Variants in NBPF19 observed in about 807,000 individuals in gnomAD.
NBPF19 encodes NBPF family member NBPF19.
NBPF19 carries 30 observed loss-of-function variants against 45.9 expected under a neutral mutation model. The observed-to-expected ratio is 0.65, with a 90% CI of 0.49 to 0.89. The LOEUF (loss-of-function observed/expected upper bound fraction) is 0.89. NBPF19 is among the 40% of genes least tolerant of loss of function. The probability of loss-of-function intolerance (pLI) is 0.00; values close to 1 mark genes in which losing one functional copy is unlikely to be tolerated. For missense variants in NBPF19, 495 were observed against 471.8 expected (o/e 1.05, Z -0.46); for synonymous variants, 183 against 181.2 (o/e 1.01, Z -0.08).
chr1:149,519,437 CTCTCTCTCTG>C (rs2086607358), intron 49 of NBPF19, among the ~76,000 whole-genome samples: 1 of 20,200 alleles, frequency 5.0e-5, no homozygotes, highest in Non-Finnish European at 8.9e-5. Flanking sequence ...CTCGTTCTCT[CTCTCTCTCTG>C]TGTGTGTGTG....
chr1:149,479,566 A>T (rs1438390648), intron 4 of NBPF19, among the ~76,000 whole-genome samples: 1 of 148,142 alleles, frequency 6.8e-6, no homozygotes, highest in East Asian at 2.0e-4. Flanking sequence ...ACACTTACGA[A>T]TGCTTTTCAA....
Position 149,478,094 on chromosome 1 carries a change from C to T in NBPF19, c.278+47C>T. 3.7e-6 allele frequency: 5 copies of T among 1,364,192 alleles called. No homozygotes were observed. In the South Asian group the frequency reaches 5.8e-5, roughly 16 times the overall value. 84.5% of individuals were successfully genotyped at this position (1,364,192 alleles called of 1,614,324 possible). On this transcript the variant is annotated intron_variant, in intron 3 of 93. Transcript: ENST00000651566. The stretch of plus-strand genomic sequence containing the variant: ...AGGGCAGGCGGGTAGGTGTGTAGAT[C>T]TCTGAAGTACAGCAGCTCGGCGGGG...
In NBPF19 at chr1:149,488,185, G is replaced by T. The variant is rs2085727624; in HGVS notation, c.1213G>T (p.Glu405Ter). 1 of 644,216 alleles carries T rather than the reference G, an allele frequency of 1.6e-6. No homozygotes were observed. The highest frequency in any genetic ancestry group is 2.8e-5 in the East Asian group (1 of 35,714). The allele number at this position is 644,216 out of a possible 1,614,324, so 39.9% of individuals were successfully genotyped here. Residue 405 changes from glutamate (E) to a stop codon, truncating the protein, a stop_gained and splice_region_variant, in exon 10 of 94, where the codon GAA becomes TAA. Coordinates refer to ENST00000651566, the MANE Select transcript of NBPF19 (RefSeq NM_001351365.2). LOFTEE classifies it high-confidence loss of function. ...QRVGLAIDMD[E>*]IEKYQEVEED... ...TGTTGGCTTGGCTATTGACATGGAT[G>T]GTGAGTACCTTTCTATGAAGGTGAT...
intron 9 of NBPF19, among the ~76,000 whole-genome samples, 186 bp from the exon 10 acceptor site, chr1:149,487,827 T>C (rs1271653939): frequency 4.8e-5 from 6 of 124,704 alleles, no homozygotes; most frequent in Non-Finnish European, 8.3e-5. Context: ...GTGTGTGTCT[T>C]TCTCGTTCAT....
intron 9 of NBPF19, among the ~76,000 whole-genome samples, 186 bp downstream of exon 9, chr1:149,487,569 T>A (rs1260334085): frequency 4.0e-5 from 6 of 151,064 alleles, no homozygotes; most frequent in Non-Finnish European, 5.9e-5. Flanking sequence ...CCTACCCTTA[T>A]CATTTACTAA....
chr1:149,554,532 G>T lies in NBPF19; in HGVS notation c.11326G>T (p.Val3776Phe), dbSNP rs1479932944. Reference protein sequence around the residue: ...SVLMEVEEPEVLQDSLDGCYS... With the variant: ...SVLMEVEEPEFLQDSLDGCYS... ...GCTGATGGAAGTGGAAGAGCCTGAA[G>T]TCTTACAGGACTCACTGGATGGATG... The change falls in exon 94 of 94, where the codon GTC becomes TTC. Residue 3776 changes from valine to phenylalanine, a missense_variant. Val to Phe is a conservative substitution (Grantham distance 50). Transcript: ENST00000651566. 3.7e-6 allele frequency: 6 copies of T among 1,608,252 alleles called. No homozygotes were observed. The highest frequency in any genetic ancestry group is 4.5e-5 in the East Asian group (2 of 44,846).
At chr1:149,487,116 A>G (rs1182194967) in intron 8 of NBPF19, among the ~76,000 whole-genome samples, 2 of 150,524 alleles carry the variant, frequency 1.3e-5, no homozygotes, top group African/African-American at 2.4e-5. Context: ...TAGGGAAGAT[A>G]ACATTCCAAC....
At chr1:149,486,414 A>G (rs1185287163) in intron 8 of NBPF19, 121 bp downstream of exon 8, 11 of 677,100 alleles carry the variant, frequency 1.6e-5, no homozygotes, top group South Asian at 9.4e-5. Flanking sequence ...CTGAACCTAT[A>G]TATCAATGTA....
At chr1:149,478,241 A>G (rs1197187429) in intron 3 of NBPF19, among the ~76,000 whole-genome samples, 194 bp downstream of exon 3, 1 of 151,258 alleles carries the variant, frequency 6.6e-6, no homozygotes, top group African/African-American at 2.4e-5. Context: ...TGTTTCTTAG[A>G]GCCTTGTTTT....
intron 51 of NBPF19, among the ~76,000 whole-genome samples, chr1:149,521,053 T>G (rs1409373690): frequency 4.3e-5 from 3 of 69,072 alleles, no homozygotes; most frequent in African/African-American, 1.7e-4. Context: ...CCTGGCCAAT[T>G]CACTAGGTCA....
At chr1:149,519,445 C>CTG (rs374862187) in intron 49 of NBPF19, among the ~76,000 whole-genome samples, 507 of 10,550 alleles carry the variant, frequency 0.048, 18 homozygotes, top group Non-Finnish European at 0.064. Context: ...CTCTCTCTCT[C>CTG]TGTGTGTGTG....
Position 149,555,180 on chromosome 1 carries a change from C to T in NBPF19, c.*442C>T. ...TCAGTGTTGGCTTGTTTTAGCTGAT[C>T]CATCTGTAACACAGGAGGGATCCTT... On this transcript the variant is annotated 3_prime_UTR_variant, in exon 94 of 94. Transcript: ENST00000651566. 4.7e-6 allele frequency: 1 copy of T among 211,148 alleles called. No homozygotes were observed. The highest frequency in any genetic ancestry group is 9.6e-6 in the Non-Finnish European group (1 of 104,334). 13.1% of individuals were successfully genotyped at this position (211,148 alleles called of 1,614,324 possible). A position where few individuals can be genotyped will look rare whatever the true frequency, so the allele number is the denominator to read the frequency against.
In NBPF19 at chr1:149,478,060, C is replaced by G; in HGVS notation, c.278+13C>G. The stretch of plus-strand genomic sequence containing the variant: ...CTGAGGAGCTCAGGTGAGGGGACCC[C>G]GTGGGGGGAGGGCAGGCGGGTAGGT... On this transcript the variant is annotated intron_variant, in intron 3 of 93. Coordinates refer to ENST00000651566, the MANE Select transcript of NBPF19 (RefSeq NM_001351365.2). 2 of 1,566,898 alleles carry G rather than the reference C, an allele frequency of 1.3e-6. No individual in the cohort carries two copies. Among genetic ancestry groups the G allele is most frequent in the Non-Finnish European group, 8.7e-7 (1 of 1,145,690 alleles).
In NBPF19 at chr1:149,554,718, T is replaced by G; in HGVS notation, c.11512T>G (p.Leu3838Val). The change falls in exon 94 of 94, where the codon TTA (leucine) becomes GTA (valine). Residue 3838 changes from leucine (L) to valine (V), a missense_variant. This residue lies in a region of NBPF19 where 248 missense variants were observed against 95.4 expected (regional missense o/e 2.60). Transcript: ENST00000651566. ...VTSLHLVFQM[L>V]VIFPQ ...AAGTCTCCATCTGGTGTTCCAGATG[T>G]TAGTCATATTCCCACAATAGGCAGC... 5 of 1,608,074 alleles carry G rather than the reference T, an allele frequency of 3.1e-6. No individual in the cohort carries two copies. Among genetic ancestry groups the G allele is most frequent in the African/African-American group, 1.3e-5 (1 of 74,732 alleles).
rs2087201440 is a variant in NBPF19 at position 149,554,664 on chromosome 1, G to A, written c.11458G>A (p.Asp3820Asn). 3.7e-6 allele frequency: 6 copies of A among 1,608,244 alleles called. No individual in the cohort carries two copies. Among genetic ancestry groups the A allele is most frequent in the Admixed American group, 1.7e-5 (1 of 59,888 alleles). The part of the protein sequence containing the change: ...EEHISFALYL[D>N]NRFFTLTVTS... ...GCATATCAGCTTCGCCCTTTACTTG[G>A]ACAATAGGTTTTTTACTTTGACGGT... Residue 3820 changes from aspartate to asparagine, a missense_variant, in exon 94 of 94, where the codon GAC (aspartate) becomes AAC (asparagine). Around this residue, in one of 8 missense-constraint regions of NBPF19, gnomAD observed 248 missense variants for 95.4 expected, o/e 2.60. Transcript: ENST00000651566.
intron 13 of NBPF19, among the ~76,000 whole-genome samples, chr1:149,490,826 C>G (rs1364077704): frequency 1.0e-5 from 1 of 100,324 alleles, no homozygotes; most frequent in Non-Finnish European, 2.0e-5. Flanking sequence ...GGCACTAACT[C>G]AGAGTGTCCT....
intron 9 of NBPF19, among the ~76,000 whole-genome samples, chr1:149,487,741 C>A (rs1298402441): frequency 1.3e-5 from 2 of 148,834 alleles, no homozygotes; most frequent in Non-Finnish European, 3.0e-5. Context: ...ACTCCCTCAT[C>A]AGTGTGTCAC....
chr1:149,556,239 A>G lies in NBPF19; in HGVS notation c.*1501A>G, dbSNP rs2087245866. ...AAAGTTAATTTTAATCTATACAATTAAAACCTTTTGCCTATCACTCTGGAC... is the reference window on the plus strand; with the variant it reads ...AAAGTTAATTTTAATCTATACAATTGAAACCTTTTGCCTATCACTCTGGAC... On this transcript the variant is annotated 3_prime_UTR_variant, in exon 94 of 94. Transcript: ENST00000651566. 1 of 147,798 alleles carries G rather than the reference A, an allele frequency of 6.8e-6. No individual in the cohort carries two copies. The highest frequency in any genetic ancestry group is 1.5e-5 in the Non-Finnish European group (1 of 66,524). The allele number at this position is 147,798 out of a possible 1,614,324, so 9.2% of individuals were successfully genotyped here. A position where few individuals can be genotyped will look rare whatever the true frequency, so the allele number is the denominator to read the frequency against.
Position 149,487,376 on chromosome 1 carries a change from G to A in NBPF19, c.1033G>A (p.Gly345Ser), listed in dbSNP as rs1217065973. Residue 345 changes from glycine to serine, a missense_variant, in exon 9 of 94, where the codon GGT (glycine) becomes AGT (serine). This residue lies in a region of NBPF19 where 146 missense variants were observed against 67.3 expected (regional missense o/e 2.17). Coordinates refer to ENST00000651566, the MANE Select transcript of NBPF19 (RefSeq NM_001351365.2). ...GAAAAAGGAGGACCAAGAGGCAACA[G>A]GTCCCAGGTGAGTCTGAGAAATTGT... ...QVKKEDQEAT[G>S]PRLSRELLDE... The A allele has an allele frequency of 3.7e-5, 57 of 1,541,348 alleles. 2 individuals are homozygous for A. In the South Asian group the frequency reaches 4.6e-4, roughly 12 times the overall value.
Sources: gnomAD v4.1 joint callset for allele counts (sites outside exome capture counted in the v4.1 genomes callset) on GRCh38, gnomAD v4.1.1 for gene constraint, gnomAD v4.1.1 regional missense constraint, MANE v1.5 for transcripts, NCBI Gene and HGNC (gene_info 2026-07-23, HGNC 2026-07-21) for gene names.